The following STK3 variants were observed in gnomAD, a reference collection of about 807,000 sequenced individuals.
The protein encoded by STK3 is serine/threonine-protein kinase 3.
A neutral mutation model predicts 58.0 loss-of-function variants in STK3; 41 were observed. The ratio of observed to expected loss-of-function variants is 0.71; its 90% CI spans 0.55 to 0.92. STK3 has a LOEUF of 0.92. Among genes scored for constraint, STK3 ranks in the 40% least tolerant of loss-of-function variants. STK3 has a pLI of 0.00. For synonymous variants in STK3, 170 were observed against 191.0 expected, an observed-to-expected ratio of 0.89 and a Z score of 0.91; for missense variants, 479 against 602.7, an observed-to-expected ratio of 0.79 and a Z score of 2.15.
chr8:98,498,415 A>C (rs560802634), intron 10 of STK3, among the ~76,000 whole-genome samples: 1 of 152,302 alleles, frequency 6.6e-6, no homozygotes, highest in Admixed American at 6.5e-5. Context: ...CATGAGTGAT[A>C]CAATAGGAGA....
intron 9 of STK3, among the ~76,000 whole-genome samples, chr8:98,546,142 A>G (rs923002233): frequency 6.6e-6 from 1 of 152,188 alleles, no homozygotes; most frequent in Admixed American, 6.6e-5. Context: ...TATCTGTTCA[A>G]CTTCAAAATT....
At chr8:98,852,753 T>C (rs548348209) in intron 3 of STK3, among the ~76,000 whole-genome samples, 26 of 152,384 alleles carry the variant, frequency 1.7e-4, no homozygotes, top group African/African-American at 6.2e-4. Context: ...ATCCACAGAA[T>C]CTTAAAAGGG....
At chr8:98,358,457 A>T in the STK3 span, among the ~76,000 whole-genome samples, 1 of 152,156 alleles carries the variant, frequency 6.6e-6, no homozygotes, top group Non-Finnish European at 1.5e-5. Flanking sequence ...GCCACGGAGG[A>T]TTCTGAGATG....
intron 10 of STK3, among the ~76,000 whole-genome samples, chr8:98,515,734 T>C (rs1824880413): frequency 6.6e-6 from 1 of 152,022 alleles, no homozygotes; most frequent in Non-Finnish European, 1.5e-5. Flanking sequence ...TCTCCAGGCA[T>C]TAGTTTCTTC....
intron 6 of STK3, among the ~76,000 whole-genome samples, chr8:98,690,909 G>C (rs1247438138): frequency 6.6e-6 from 1 of 152,152 alleles, no homozygotes; most frequent in Non-Finnish European, 1.5e-5. Flanking sequence ...TCCTTTGCAG[G>C]AATGTGGATG....
chr8:98,540,810 G>C (rs750268484), intron 9 of STK3, among the ~76,000 whole-genome samples: 3 of 152,016 alleles, frequency 2.0e-5, no homozygotes, highest in Non-Finnish European at 4.4e-5. Context: ...GGGCGGTGGG[G>C]GGAAGCAAAC....
chr8:98,617,709 C>G (rs556317341), intron 6 of STK3, among the ~76,000 whole-genome samples: 29 of 151,752 alleles, frequency 1.9e-4, no homozygotes, highest in Admixed American at 5.2e-4. Context: ...ACTAGAAAAT[C>G]TAGAAGAAAT....
chr8:98,461,902 C>T (rs908033451), intron 10 of STK3, among the ~76,000 whole-genome samples: 5 of 152,098 alleles, frequency 3.3e-5, no homozygotes, highest in African/African-American at 1.2e-4. Context: ...TTTTGTCTCA[C>T]TGCTCTTGGT....
intron 6 of STK3, among the ~76,000 whole-genome samples, chr8:98,631,313 G>A (rs1038593703): frequency 3.9e-5 from 6 of 152,170 alleles, no homozygotes; most frequent in East Asian, 1.9e-4. Context: ...AGGTCCTGCC[G>A]TGGTTTATGA....
upstream of STK3, among the ~76,000 whole-genome samples, chr8:98,825,931 A>C (rs1835272508): frequency 3.4e-5 from 5 of 145,004 alleles, no homozygotes; most frequent in Admixed American, 6.8e-5. Context: ...GGAGCCGGGC[A>C]CCGCGGCGGG....
intron 1 of STK3, among the ~76,000 whole-genome samples, chr8:98,442,933 T>G (rs1302293824): frequency 6.6e-6 from 1 of 151,932 alleles, no homozygotes; most frequent in Non-Finnish European, 1.5e-5. Flanking sequence ...TCACACAGAT[T>G]TTTGTACCAA....
chr8:98,848,258 T>A (rs991106441), intron 3 of STK3, among the ~76,000 whole-genome samples: 1 of 152,002 alleles, frequency 6.6e-6, no homozygotes, highest in Non-Finnish European at 1.5e-5. Flanking sequence ...TTTTCTTTTT[T>A]TTTTTTGAGA....
intron 1 of STK3, among the ~76,000 whole-genome samples, chr8:98,886,063 C>T (rs555486593): frequency 3.3e-5 from 5 of 152,128 alleles, no homozygotes; most frequent in South Asian, 4.2e-4. Flanking sequence ...GAGAAGAGGG[C>T]GAAAGGCATG....
intron 6 of STK3, among the ~76,000 whole-genome samples, chr8:98,631,163 T>C (rs1169350653): frequency 6.6e-6 from 1 of 152,214 alleles, no homozygotes; most frequent in Non-Finnish European, 1.5e-5. Flanking sequence ...ACCTCCTCAC[T>C]ATTCACCTGG....
chr8:98,378,460 G>A (rs1459724169), intron 2 of STK3, among the ~76,000 whole-genome samples: 1 of 152,178 alleles, frequency 6.6e-6, no homozygotes, highest in Non-Finnish European at 1.5e-5. Context: ...CTGTAACTGT[G>A]CTGCTTACTG....
chr8:98,598,867 C>T, intron 6 of STK3: 1 of 985,414 alleles, frequency 1.0e-6, no homozygotes, highest in Non-Finnish European at 1.2e-6. Context: ...AAAAGAACTA[C>T]TCTGATCACA....
At chr8:98,619,081 T>A (rs1297747086) in intron 6 of STK3, among the ~76,000 whole-genome samples, 1 of 150,264 alleles carries the variant, frequency 6.7e-6, no homozygotes, top group Non-Finnish European at 1.5e-5. Flanking sequence ...AAGGCTACAG[T>A]AACCAAAACA....
In STK3 at chr8:98,800,794, G is replaced by T. The variant is rs572418735; in HGVS notation, c.26+24721C>A. Among the ~76,000 whole-genome samples the T allele has an allele frequency of 6.6e-6, 1 of 152,202 alleles. No individual in the cohort carries two copies. ...CTGCCGGCCCTCCCGCGCTGAGCTCGAATTCTTGCCAGGCCTCAGCCACCT... is the reference window on the plus strand; with the variant it reads ...CTGCCGGCCCTCCCGCGCTGAGCTCTAATTCTTGCCAGGCCTCAGCCACCT... On this transcript the variant is annotated intron_variant, in intron 1 of 10. Transcript: ENST00000419617. This position sits in a 1 kb window ranked among gnomAD's most constrained non-coding sequence, Gnocchi z 4.8.
intron 3 of STK3, among the ~76,000 whole-genome samples, chr8:98,407,544 A>G (rs1272053807): frequency 6.6e-6 from 1 of 152,236 alleles, no homozygotes; most frequent in Non-Finnish European, 1.5e-5. Flanking sequence ...TTAGAGCTGA[A>G]GAGGGAACTG....
Sources: allele counts gnomAD v4.1 joint callset (sites outside exome capture counted in the v4.1 genomes callset), GRCh38; gene constraint gnomAD v4.1.1; non-coding constraint Gnocchi (gnomAD v3.1); transcripts MANE v1.5; gene names NCBI Gene and HGNC (gene_info 2026-07-23, HGNC 2026-07-21).